ADAMTS16: variants seen among roughly 807,000 people sequenced by gnomAD.
ADAMTS16 encodes the protein ADAM metallopeptidase with thrombospondin type 1 motif 16.
In ADAMTS16, 94 loss-of-function variants were observed where a neutral mutation model predicts 145.8. The observed-to-expected ratio is 0.64, with a 90% CI of 0.55 to 0.77. The LOEUF (loss-of-function observed/expected upper bound fraction) is 0.77, where lower values mean the gene tolerates loss of function less well. ADAMTS16 is among the 30% of genes least tolerant of loss of function. The probability of loss-of-function intolerance (pLI) is 0.00; values close to 1 mark genes in which losing one functional copy is unlikely to be tolerated. For synonymous variants in ADAMTS16, 659 were observed against 604.3 expected, an observed-to-expected ratio of 1.09 and a Z score of -1.33; for missense variants, 1,585 against 1,591.5, an observed-to-expected ratio of 1.00 and a Z score of 0.07.
chr5:5,283,488 G>T (rs762282202), intron 18 of ADAMTS16, among the ~76,000 whole-genome samples: 2 of 148,348 alleles, frequency 1.3e-5, no homozygotes, highest in Non-Finnish European at 3.0e-5. Context: ...CCCCCAGAAA[G>T]CCCACAGGAC....
chr5:5,214,873 C>A (rs1018142125), intron 10 of ADAMTS16, among the ~76,000 whole-genome samples: 6 of 152,044 alleles, frequency 3.9e-5, no homozygotes, highest in Middle Eastern at 3.2e-3. Context: ...TTAATGAACA[C>A]CTGCTCAATT....
intron 3 of ADAMTS16, among the ~76,000 whole-genome samples, chr5:5,165,076 G>A (rs531984875): frequency 6.4e-4 from 97 of 152,114 alleles, no homozygotes; most frequent in Non-Finnish European, 1.0e-3. Flanking sequence ...ATTATTTCCA[G>A]CACCCAGAAA....
chr5:5,206,527 T>G (rs906548112), intron 9 of ADAMTS16, among the ~76,000 whole-genome samples: 2 of 150,434 alleles, frequency 1.3e-5, no homozygotes, highest in African/African-American at 4.9e-5. Flanking sequence ...TTACCCGGAC[T>G]GGAGTGCAGT....
intron 18 of ADAMTS16, among the ~76,000 whole-genome samples, chr5:5,284,519 A>T (rs1207261507): frequency 1.3e-5 from 2 of 152,126 alleles, no homozygotes; most frequent in Non-Finnish European, 2.9e-5. Flanking sequence ...TGATGGTATA[A>T]TCTCCCTGCT....
At chr5:5,309,452 C>T (rs948321203) in intron 21 of ADAMTS16, among the ~76,000 whole-genome samples, 7 of 152,082 alleles carry the variant, frequency 4.6e-5, no homozygotes, top group African/African-American at 9.7e-5. Context: ...GCCAGCCATG[C>T]GCCTAACCCA....
At chr5:5,179,455 G>A (rs568917767) in intron 3 of ADAMTS16, among the ~76,000 whole-genome samples, 17 of 152,214 alleles carry the variant, frequency 1.1e-4, no homozygotes, top group African/African-American at 3.4e-4. Flanking sequence ...GGTTACCTTC[G>A]GTAATGGAGA....
chr5:5,212,190 G>T (rs6889404), intron 10 of ADAMTS16, among the ~76,000 whole-genome samples: 26,876 of 99,486 alleles, frequency 0.27, 2,999 homozygotes, highest in South Asian at 0.35. Flanking sequence ...AGTTTCTGGG[G>T]TTTTTTTTGT....
intron 10 of ADAMTS16, among the ~76,000 whole-genome samples, chr5:5,215,882 A>ATGTGGTGTG (rs1736422715): frequency 1.5e-5 from 1 of 65,734 alleles, no homozygotes; most frequent in Non-Finnish European, 3.9e-5. Flanking sequence ...ATATATATAT[A>ATGTGGTGTG]TATATATATA....
At chr5:5,227,967 G>GTT (rs1736817141) in intron 11 of ADAMTS16, among the ~76,000 whole-genome samples, 1 of 152,192 alleles carries the variant, frequency 6.6e-6, no homozygotes, top group African/African-American at 2.4e-5. Flanking sequence ...AGAACATATT[G>GTT]TTAAGTGGAA....
chr5:5,270,537 A>G (rs1461108684), intron 18 of ADAMTS16, among the ~76,000 whole-genome samples: 1 of 152,214 alleles, frequency 6.6e-6, no homozygotes, highest in African/African-American at 2.4e-5. Flanking sequence ...GTAAAAGGAG[A>G]AAGAAATTCA....
intron 18 of ADAMTS16, among the ~76,000 whole-genome samples, chr5:5,266,769 C>T (rs1020533673): frequency 6.6e-6 from 1 of 152,158 alleles, no homozygotes; most frequent in Non-Finnish European, 1.5e-5. Flanking sequence ...AGAACATGCT[C>T]AACAGATTAT....
At chr5:5,246,038 T>C (rs1237180417) in intron 17 of ADAMTS16, among the ~76,000 whole-genome samples, 1 of 152,224 alleles carries the variant, frequency 6.6e-6, no homozygotes, top group Non-Finnish European at 1.5e-5. Flanking sequence ...TGTCTGTCTC[T>C]GAGACAGAGA....
At chr5:5,262,209 G>A (rs1230182177) in intron 17 of ADAMTS16, among the ~76,000 whole-genome samples, 1 of 152,146 alleles carries the variant, frequency 6.6e-6, no homozygotes. Flanking sequence ...CAAACTGCTT[G>A]TTAGTTTGTT....
chr5:5,311,342 T>C (rs1740427958), intron 21 of ADAMTS16, among the ~76,000 whole-genome samples: 1 of 151,774 alleles, frequency 6.6e-6, no homozygotes, highest in Non-Finnish European at 1.5e-5. Flanking sequence ...AACATTCTTA[T>C]TGTTTTATCT....
intron 18 of ADAMTS16, among the ~76,000 whole-genome samples, chr5:5,297,985 G>A (rs1739615620): frequency 6.6e-6 from 1 of 152,156 alleles, no homozygotes; most frequent in African/African-American, 2.4e-5. Flanking sequence ...GCTGGGCCCT[G>A]TTCCTTGCCA....
At chr5:5,279,302 T>TG (rs1207834973) in intron 18 of ADAMTS16, among the ~76,000 whole-genome samples, 1 of 152,200 alleles carries the variant, frequency 6.6e-6, no homozygotes. Flanking sequence ...GATTCTGGGG[T>TG]GGAAGTCACT....
At chr5:5,172,712 C>T (rs939666007) in intron 3 of ADAMTS16, among the ~76,000 whole-genome samples, 1 of 150,316 alleles carries the variant, frequency 6.7e-6, no homozygotes. Flanking sequence ...AATGTGTATT[C>T]TGCAACTATT....
rs563073819 is a variant in ADAMTS16 at position 5,204,674 on chromosome 5, A to G, written c.1451+4405A>G. Among the ~76,000 whole-genome samples the G allele has an allele frequency of 3.7e-3, 561 of 152,332 alleles. 6 individuals are homozygous for G. The highest frequency in any genetic ancestry group is 0.013 in the African/African-American group (534 of 41,570). Reference sequence around the variant, plus strand: ...TATATAAATATACTAAAACTTATTCATTCATTCTGTTGGTGATAGACATTT... The same window carrying G: ...TATATAAATATACTAAAACTTATTCGTTCATTCTGTTGGTGATAGACATTT... On this transcript the variant is annotated intron_variant, in intron 9 of 22. Transcript: ENST00000274181.
At chr5:5,226,029 C>T (rs73735757) in intron 11 of ADAMTS16, among the ~76,000 whole-genome samples, 29,187 of 151,800 alleles carry the variant, frequency 0.19, 3,299 homozygotes, top group East Asian at 0.5. Context: ...GGGAGTCCAC[C>T]CATGGAGACA....
Sources: gnomAD v4.1 joint callset for allele counts (sites outside exome capture counted in the v4.1 genomes callset) on GRCh38, gnomAD v4.1.1 for gene constraint, MANE v1.5 for transcripts, NCBI Gene and HGNC (gene_info 2026-07-23, HGNC 2026-07-21) for gene names.